The following HAUS7 variants were observed in gnomAD, a reference collection of about 807,000 sequenced individuals.
The protein encoded by HAUS7 is HAUS augmin like complex subunit 7.
Under a neutral mutation model 28.4 loss-of-function variants are expected in HAUS7, and 3 were observed. That is an observed-to-expected ratio of 0.11 (90% CI 0.05 to 0.27). The LOEUF is 0.27. HAUS7 is among the 10% of genes least tolerant of loss of function. HAUS7 has a pLI of 1.00. For missense variants in HAUS7, 284 were observed against 297.3 expected (o/e 0.96, Z 0.33); for synonymous variants, 165 against 132.1 (o/e 1.25, Z -1.71).
At chrX:153,462,152 T>A in intron 4 of HAUS7, 1 of 1,021,919 alleles carries the variant, frequency 9.8e-7, no homozygotes, top group Non-Finnish European at 1.3e-6. Context: ...AATCATCGAG[T>A]GAAAACAATT....
intron 1 of HAUS7, among the ~76,000 whole-genome samples, chrX:153,490,404 G>A (rs184421091): frequency 4.4e-5 from 5 of 112,799 alleles, no homozygotes; most frequent in East Asian, 2.8e-4. Flanking sequence ...GCCACACCTC[G>A]GCCATCCAGC....
chrX:153,468,152 C>T lies in HAUS7; in HGVS notation c.224+994G>A, dbSNP rs929425351. Among the ~76,000 whole-genome samples, 15 of 112,479 alleles carry T rather than the reference C, an allele frequency of 1.3e-4. No homozygotes were observed. In the South Asian group the frequency reaches 3.7e-3, roughly 27 times the overall value. On this transcript the variant is annotated intron_variant, in intron 2 of 9. Transcript: ENST00000370211. Reference sequence around the variant, plus strand: ...CAAACACAAAAACGCCTCCTCCTTCCTCTGGGGGCCTGTATCCAGCTGGGC... The same window carrying T: ...CAAACACAAAAACGCCTCCTCCTTCTTCTGGGGGCCTGTATCCAGCTGGGC...
At chrX:153,454,297 C>A in intron 9 of HAUS7, 97 bp downstream of exon 9, 1 of 515,800 alleles carries the variant, frequency 1.9e-6, no homozygotes. Flanking sequence ...AAGAAGGGGC[C>A]GGTCCCCAAA....
intron 1 of HAUS7, among the ~76,000 whole-genome samples, chrX:153,469,475 G>A (rs975268319): frequency 1.1e-4 from 12 of 112,250 alleles, no homozygotes; most frequent in Admixed American, 2.8e-4. Context: ...TTACAGGCAT[G>A]CGCCACCACG....
intron 4 of HAUS7, among the ~76,000 whole-genome samples, chrX:153,459,195 G>A (rs4898468): frequency 0.065 from 7,209 of 111,547 alleles, 442 homozygotes; most frequent in East Asian, 0.28. Context: ...CATCTTCTTC[G>A]GAGAAACGTC....
At chrX:153,457,031 C>T (rs2089322255) in intron 5 of HAUS7, 106 bp downstream of exon 5, 13 of 569,602 alleles carry the variant, frequency 2.3e-5, no homozygotes, top group Non-Finnish European at 3.9e-5. Flanking sequence ...GTGTCACACC[C>T]CAGCCAGCAT....
At chrX:153,463,631 G>A (rs1486748056) in intron 3 of HAUS7, among the ~76,000 whole-genome samples, 1 of 112,402 alleles carries the variant, frequency 8.9e-6, no homozygotes. Context: ...CAAAGCCCAC[G>A]TCCTTCTGGG....
intron 1 of HAUS7, chrX:153,482,811 A>G: frequency 1.4e-6 from 1 of 717,526 alleles, no homozygotes; most frequent in South Asian, 7.1e-5. Flanking sequence ...AGCCTGCTCT[A>G]TCTGAGGCTG....
intron 1 of HAUS7, among the ~76,000 whole-genome samples, chrX:153,478,052 A>G (rs1556986573): frequency 9.1e-6 from 1 of 110,483 alleles, no homozygotes. Context: ...TCTCCCCTCC[A>G]CCCAAGCCTT....
intron 1 of HAUS7, among the ~76,000 whole-genome samples, chrX:153,484,913 G>A (rs1164043601): frequency 5.3e-5 from 6 of 112,939 alleles, no homozygotes; most frequent in Non-Finnish European, 1.9e-5. Context: ...AGGCACAGGA[G>A]CAGCCCAAAA....
intron 9 of HAUS7, among the ~76,000 whole-genome samples, chrX:153,450,372 G>A (rs1373786289): frequency 9.0e-6 from 1 of 111,677 alleles, no homozygotes; most frequent in Non-Finnish European, 1.9e-5. Context: ...CTAGGGTCTC[G>A]CCGGGGAGGT....
At chrX:153,472,031 A>G (rs2089528833), upstream of HAUS7, among the ~76,000 whole-genome samples, 1 of 111,265 alleles carries the variant, frequency 9.0e-6, no homozygotes, top group Non-Finnish European at 1.9e-5. Flanking sequence ...CAGCTCAGAC[A>G]TTCAAATTCT....
intron 7 of HAUS7, 53 bp downstream of exon 7, chrX:153,456,212 C>T (rs1202715498): frequency 4.1e-6 from 4 of 984,570 alleles, no homozygotes. Flanking sequence ...AGGGAGGTGA[C>T]AAAGCAGGGC....
intron 4 of HAUS7, among the ~76,000 whole-genome samples, chrX:153,458,411 A>G (rs1366015435): frequency 8.8e-6 from 1 of 113,166 alleles, no homozygotes; most frequent in Non-Finnish European, 1.9e-5. Context: ...ACTACCAAGC[A>G]TGAGGCTGGC....
chrX:153,470,932 C>G (rs1342276234), upstream of HAUS7: 2 of 337,928 alleles, frequency 5.9e-6, no homozygotes, highest in Admixed American at 3.1e-5. Context: ...TTGCTGGCGT[C>G]GCCCCTGCTG....
chrX:153,494,515 G>T (rs1347573385), intron 1 of HAUS7, among the ~76,000 whole-genome samples: 1 of 112,298 alleles, frequency 8.9e-6, no homozygotes, highest in Admixed American at 9.3e-5. Context: ...GGCCCAAGCA[G>T]GTTCCTGGCA....
intron 1 of HAUS7, chrX:153,482,816 AGGCTGGACCGGAACC>A (rs2089609417): frequency 1.4e-6 from 1 of 708,526 alleles, no homozygotes; most frequent in African/African-American, 2.3e-5. Context: ...GCTCTATCTG[AGGCTGGACCGGAACC>A]GGCTGCGGGC....
At chrX:153,455,228 C>T (rs2089290282) in intron 8 of HAUS7, 14 of 427,930 alleles carry the variant, frequency 3.3e-5, no homozygotes, top group Admixed American at 7.9e-5. Context: ...GACAACAGTG[C>T]GGCCAACACA....
At chrX:153,490,013 T>C (rs1262040982) in intron 1 of HAUS7, among the ~76,000 whole-genome samples, 3 of 112,875 alleles carry the variant, frequency 2.7e-5, no homozygotes, top group Non-Finnish European at 5.6e-5. Context: ...CTTCTGAGCA[T>C]CTGGGCCAAA....
Sources: allele counts gnomAD v4.1 joint callset (sites outside exome capture counted in the v4.1 genomes callset), GRCh38; gene constraint gnomAD v4.1.1; transcripts MANE v1.5; gene names NCBI Gene and HGNC (gene_info 2026-07-23, HGNC 2026-07-21).